The following PGAP4 variants were observed in gnomAD, a reference collection of about 807,000 sequenced individuals.
The protein encoded by PGAP4 is post-GPI attachment to proteins GalNAc transferase 4, also known as GPI-N-acetylgalactosamine transferase PGAP4.
PGAP4 carries 12 observed loss-of-function variants against 28.2 expected under a neutral mutation model. The ratio of observed to expected loss-of-function variants is 0.42; its 90% CI spans 0.27 to 0.69. PGAP4 has a LOEUF of 0.69. Among genes scored for constraint, PGAP4 ranks in the 30% least tolerant of loss-of-function variants. PGAP4 has a pLI of 0.22. For synonymous variants in PGAP4, 205 were observed against 211.8 expected (o/e 0.97, Z 0.28); for missense variants, 425 against 513.5 (o/e 0.83, Z 1.67).
At chr9:101,501,419 A>G (rs1402543574) in intron 2 of PGAP4, among the ~76,000 whole-genome samples, 4 of 152,098 alleles carry the variant, frequency 2.6e-5, no homozygotes, top group African/African-American at 7.2e-5. Context: ...GAAAAGAGGA[A>G]GGTGATATTT....
chr9:101,512,890 T>C (rs1826909268), intron 2 of PGAP4, among the ~76,000 whole-genome samples: 2 of 152,172 alleles, frequency 1.3e-5, no homozygotes. Context: ...GTTTGAGTGT[T>C]TCCCAGCTAT....
chr9:101,486,268 C>T lies in PGAP4; in HGVS notation c.-78+681G>A, dbSNP rs1204202031. Among the ~76,000 whole-genome samples the T allele has an allele frequency of 2.0e-5, 3 of 152,192 alleles. No individual in the cohort carries two copies. The highest frequency in any genetic ancestry group is 1.3e-4 in the Admixed American group (2 of 15,284). On this transcript the variant is annotated intron_variant, in intron 1 of 1. Transcript: ENST00000374848. The surrounding 1 kb of genome is among the most constrained non-coding windows in gnomAD (Gnocchi z 4.7). ...GTCTGTCGCTGACCTTGGGCAGTCC[C>T]TGCCACGCTTGAGCCTCAGTTTCCC...
intron 1 of PGAP4, among the ~76,000 whole-genome samples, chr9:101,485,207 G>A (rs984431268): frequency 1.3e-5 from 2 of 152,092 alleles, no homozygotes; most frequent in African/African-American, 4.8e-5. Flanking sequence ...CTTTATAACA[G>A]GTTTTAATAT....
At position 101,504,222 on chromosome 9, in the gene PGAP4, T is replaced by G. The variant is rs202134380; in HGVS notation, c.-164-15022A>C. Among the ~76,000 whole-genome samples the G allele has an allele frequency of 1.1e-4, 16 of 141,298 alleles. No homozygotes were observed. The East Asian group carries it at 3.1e-3, about 28-fold the overall frequency. 92.7% of individuals were successfully genotyped at this position (141,298 alleles called of 152,430 possible). ...GTGTGTGTGTTTGTTTTTTTTTTTTTTTTTTTTTTTTTTTTGGTTGGTTTC... is the reference window on the plus strand; with the variant it reads ...GTGTGTGTGTTTGTTTTTTTTTTTTGTTTTTTTTTTTTTTTGGTTGGTTTC... On this transcript the variant is annotated intron_variant, in intron 2 of 3. Coordinates refer to the PGAP4 transcript ENST00000374851.
chr9:101,491,983 T>A (rs777081824), upstream of PGAP4, among the ~76,000 whole-genome samples: 1 of 151,618 alleles, frequency 6.6e-6, no homozygotes, highest in African/African-American at 2.4e-5. Context: ...TGAGCTAAGA[T>A]CTGTGTAGGA....
chr9:101,527,529 T>A (rs1336067253), intron 2 of PGAP4, among the ~76,000 whole-genome samples: 1 of 152,134 alleles, frequency 6.6e-6, no homozygotes, highest in African/African-American at 2.4e-5. Flanking sequence ...CTAGACATAA[T>A]TATGGCCACA....
chr9:101,525,352 G>C (rs186768530), intron 2 of PGAP4, among the ~76,000 whole-genome samples: 7 of 152,214 alleles, frequency 4.6e-5, no homozygotes, highest in African/African-American at 1.7e-4. Flanking sequence ...TACAAGTGGA[G>C]ACAATTTGTG....
chr9:101,485,466 G>A (rs1212338636), intron 1 of PGAP4, among the ~76,000 whole-genome samples: 2 of 152,136 alleles, frequency 1.3e-5, no homozygotes, highest in Admixed American at 6.6e-5. Context: ...AGTGCAACAC[G>A]TGACAAAGAA....
At chr9:101,498,432 C>T (rs909570241) in intron 2 of PGAP4, among the ~76,000 whole-genome samples, 1 of 151,122 alleles carries the variant, frequency 6.6e-6, no homozygotes, top group South Asian at 2.1e-4. Flanking sequence ...GGAAGGTGTC[C>T]ATGTTGTTAG....
upstream of PGAP4, among the ~76,000 whole-genome samples, chr9:101,488,126 T>A (rs969416433): frequency 1.3e-5 from 2 of 152,198 alleles, no homozygotes; most frequent in Admixed American, 1.3e-4. Context: ...CCCCCATTCA[T>A]CATCTACTCT....
At chr9:101,490,470 G>A (rs1341787879), upstream of PGAP4, among the ~76,000 whole-genome samples, 1 of 152,288 alleles carries the variant, frequency 6.6e-6, no homozygotes, top group Admixed American at 6.5e-5. Flanking sequence ...GATTACAGGC[G>A]TGAGCCACTG....
At chr9:101,489,069 A>C (rs1773159648), upstream of PGAP4, 1 of 152,168 alleles carries the variant, frequency 6.6e-6, no homozygotes, top group Admixed American at 6.5e-5. Context: ...ACTAACTCTT[A>C]ATCACTCCAA....
At position 101,501,700 on chromosome 9, in the gene PGAP4, C is replaced by T. The variant is rs116041216; in HGVS notation, c.-164-12500G>A. ...TGTAATCCACATTCACTGAGTAGAA[C>T]TTGTATAGATCATTGGGACCCAGTT... is the stretch of plus-strand genomic sequence containing the variant. On this transcript the variant is annotated intron_variant, in intron 2 of 3. Coordinates refer to the PGAP4 transcript ENST00000374851. 1.5e-3 allele frequency: 760 copies of T among 519,030 alleles called. 5 individuals are homozygous for T. Among genetic ancestry groups the T allele is most frequent in the African/African-American group, 0.013 (699 of 51,950 alleles). 32.2% of individuals were successfully genotyped at this position (519,030 alleles called of 1,614,324 possible).
At chr9:101,514,923 G>T (rs1826930792) in intron 2 of PGAP4, among the ~76,000 whole-genome samples, 1 of 152,144 alleles carries the variant, frequency 6.6e-6, no homozygotes, top group African/African-American at 2.4e-5. Flanking sequence ...CACTTCAACT[G>T]GCTCTAAGTT....
chr9:101,517,619 C>T (rs1369519378), intron 2 of PGAP4, among the ~76,000 whole-genome samples: 1 of 151,966 alleles, frequency 6.6e-6, no homozygotes, highest in Non-Finnish European at 1.5e-5. Context: ...ACATGTGATT[C>T]AAGATGATGG....
At chr9:101,513,172 G>A (rs1826911551) in intron 2 of PGAP4, among the ~76,000 whole-genome samples, 1 of 150,338 alleles carries the variant, frequency 6.7e-6, no homozygotes, top group African/African-American at 2.4e-5. Context: ...GTGCTGAGCA[G>A]TGGCTAATAT....
intron 2 of PGAP4, among the ~76,000 whole-genome samples, chr9:101,493,105 T>A (rs2118575873): frequency 6.6e-6 from 1 of 151,840 alleles, no homozygotes; most frequent in South Asian, 2.1e-4. Flanking sequence ...ATACAAAAAA[T>A]TAGCCGGGTG....
At chr9:101,518,839 TTGCTGGATC>T in intron 2 of PGAP4, among the ~76,000 whole-genome samples, 1 of 152,226 alleles carries the variant, frequency 6.6e-6, no homozygotes, top group African/African-American at 2.4e-5. Context: ...AGTAATGGGA[TTGCTGGATC>T]AAATAGTAGT....
At chr9:101,487,504 T>C (rs899301256), upstream of PGAP4, among the ~76,000 whole-genome samples, 3 of 152,216 alleles carry the variant, frequency 2.0e-5, no homozygotes, top group Admixed American at 2.0e-4. Flanking sequence ...AGTATGCACA[T>C]TGATTGAGAA....
Sources: allele counts gnomAD v4.1 joint callset (sites outside exome capture counted in the v4.1 genomes callset), GRCh38; gene constraint gnomAD v4.1.1; non-coding constraint Gnocchi (gnomAD v3.1); transcripts MANE v1.5; gene names NCBI Gene and HGNC (gene_info 2026-07-23, HGNC 2026-07-21).